ZBTB20: variants seen among roughly 807,000 people sequenced by gnomAD.
The protein encoded by ZBTB20 is zinc finger and BTB domain containing 20.
A neutral mutation model predicts 56.9 loss-of-function variants in ZBTB20; 9 were observed. The observed-to-expected ratio is 0.16, with a 90% confidence interval of 0.10 to 0.28. The LOEUF (loss-of-function observed/expected upper bound fraction) is 0.28, where lower values mean the gene tolerates loss of function less well. ZBTB20 is among the 10% of genes least tolerant of loss of function. The pLI is 1.00. For synonymous variants in ZBTB20, 417 were observed against 420.7 expected (o/e 0.99, Z 0.11); for missense variants, 655 against 1,003.0 (o/e 0.65, Z 4.69).
chr3:114,499,703 C>A (rs905701735), intron 7 of ZBTB20, among the ~76,000 whole-genome samples: 1 of 152,040 alleles, frequency 6.6e-6, no homozygotes, highest in African/African-American at 2.4e-5. Flanking sequence ...AAATAATGAA[C>A]GTTCTCTTTT....
intron 1 of ZBTB20, among the ~76,000 whole-genome samples, chr3:115,122,042 A>G (rs2084196774): frequency 6.6e-6 from 1 of 152,098 alleles, no homozygotes; most frequent in Non-Finnish European, 1.5e-5. Context: ...CTGAGCATTT[A>G]GAATCATACT....
intron 7 of ZBTB20, among the ~76,000 whole-genome samples, chr3:114,499,633 T>A (rs1349914930): frequency 6.6e-6 from 1 of 152,230 alleles, no homozygotes; most frequent in Non-Finnish European, 1.5e-5. Context: ...TAGAATCTTT[T>A]TCAAGCAGTT....
intron 3 of ZBTB20, among the ~76,000 whole-genome samples, chr3:114,967,968 A>G: frequency 6.6e-6 from 1 of 152,086 alleles, no homozygotes. Context: ...AAAAAAAAAA[A>G]AAGAGTTGAT....
At chr3:114,540,583 A>G (rs1349989772) in intron 6 of ZBTB20, among the ~76,000 whole-genome samples, 1 of 152,126 alleles carries the variant, frequency 6.6e-6, no homozygotes, top group African/African-American at 2.4e-5. Context: ...CAGTTGCTTA[A>G]AAGAACTATG....
chr3:114,947,118 G>A (rs2076913074), intron 3 of ZBTB20, among the ~76,000 whole-genome samples: 1 of 145,024 alleles, frequency 6.9e-6, no homozygotes, highest in Non-Finnish European at 1.5e-5. Flanking sequence ...GATCATCTCA[G>A]ACTACTCAGA....
Position 114,338,990 on chromosome 3 carries a change from A to T in ZBTB20, c.*15T>A. 8.1e-6 allele frequency: 12 copies of T among 1,489,216 alleles called. No homozygotes were observed. Among genetic ancestry groups the T allele is most frequent in the Non-Finnish European group, 1.1e-5 (12 of 1,116,626 alleles). The allele number at this position is 1,489,216 out of a possible 1,614,324, so 92.3% of individuals were successfully genotyped here. A position where few individuals can be genotyped will look rare whatever the true frequency, so the allele number is the denominator to read the frequency against. On this transcript the variant is annotated 3_prime_UTR_variant, in exon 12 of 12. Coordinates refer to ENST00000675478, the MANE Select transcript of ZBTB20 (RefSeq NM_001348800.3). ...TTGTTTTGTTTTGTTCATAAGAAAG[A>T]GAGAAAGATACTACTTATCCGTCAG...
chr3:114,954,239 T>C (rs1036761017), intron 3 of ZBTB20, among the ~76,000 whole-genome samples: 1 of 152,180 alleles, frequency 6.6e-6, no homozygotes, highest in Non-Finnish European at 1.5e-5. Context: ...CTTTAGAATC[T>C]TATATAAAAG....
chr3:114,329,857 A>T lies in ZBTB20; in HGVS notation c.*9148T>A, dbSNP rs192602479. On this transcript the variant is annotated 3_prime_UTR_variant, in exon 12 of 12. Coordinates refer to ENST00000675478, the MANE Select transcript of ZBTB20 (RefSeq NM_001348800.3). ...AGTGTAAAGATCCAGTATTAAAATG[A>T]ATGTTTGAGAATACAGTGGGGACAA... 6 of 152,288 alleles carry T rather than the reference A, an allele frequency of 3.9e-5. No individual in the cohort carries two copies. Among genetic ancestry groups the T allele is most frequent in the Admixed American group, 3.9e-4 (6 of 15,304 alleles). The allele number at this position is 152,288 out of a possible 1,614,324, so 9.4% of individuals were successfully genotyped here.
chr3:114,685,815 GTAA>G (rs755885959), intron 6 of ZBTB20, among the ~76,000 whole-genome samples: 2 of 151,852 alleles, frequency 1.3e-5, no homozygotes, highest in African/African-American at 4.8e-5. Context: ...AAAGAGAATA[GTAA>G]TAATAATAAA....
At chr3:114,707,690 A>G (rs1351298265) in intron 5 of ZBTB20, among the ~76,000 whole-genome samples, 1 of 152,054 alleles carries the variant, frequency 6.6e-6, no homozygotes, top group Non-Finnish European at 1.5e-5. Flanking sequence ...CCCACAATCC[A>G]TCTTCTATTT....
At position 115,062,349 on chromosome 3, in the gene ZBTB20, A is replaced by G. The variant is rs577413104; in HGVS notation, c.-507+8870T>C. Reference sequence around the variant, plus strand: ...TATAAGCTACAATCAATTATAAAATAAATCTTTGAGACAAATCATGTTCTT... The same window carrying G: ...TATAAGCTACAATCAATTATAAAATGAATCTTTGAGACAAATCATGTTCTT... On this transcript the variant is annotated intron_variant, in intron 2 of 11. Coordinates refer to ENST00000675478, the MANE Select transcript of ZBTB20 (RefSeq NM_001348800.3). Among the ~76,000 whole-genome samples the G allele has an allele frequency of 1.4e-4, 21 of 152,338 alleles. No individual in the cohort carries two copies. In the East Asian group the frequency reaches 3.7e-3, roughly 27 times the overall value.
At chr3:114,689,738 TG>T (rs1379228441) in intron 6 of ZBTB20, among the ~76,000 whole-genome samples, 4 of 152,188 alleles carry the variant, frequency 2.6e-5, no homozygotes, top group African/African-American at 9.6e-5. Flanking sequence ...GGTAAACTTA[TG>T]GATCTTTTTA....
intron 1 of ZBTB20, among the ~76,000 whole-genome samples, chr3:115,098,593 TA>T (rs1409833168): frequency 3.3e-5 from 5 of 152,150 alleles, no homozygotes; most frequent in African/African-American, 1.2e-4. Flanking sequence ...CTATCCAGTT[TA>T]AAAAAACTGT....
At chr3:114,479,539 T>G (rs949407965) in intron 7 of ZBTB20, among the ~76,000 whole-genome samples, 3 of 152,236 alleles carry the variant, frequency 2.0e-5, no homozygotes, top group African/African-American at 7.2e-5. Flanking sequence ...GGGCTCTAAA[T>G]GATTGAACAA....
intron 7 of ZBTB20, among the ~76,000 whole-genome samples, chr3:114,393,704 C>G (rs1342892473): frequency 1.3e-5 from 2 of 152,104 alleles, no homozygotes; most frequent in Admixed American, 1.3e-4. Context: ...GTTTTTAAGT[C>G]AAAAGATAAT....
At chr3:114,446,341 CTACTT>C (rs1678670158) in intron 7 of ZBTB20, among the ~76,000 whole-genome samples, 1 of 152,082 alleles carries the variant, frequency 6.6e-6, no homozygotes, top group Non-Finnish European at 1.5e-5. Flanking sequence ...TTGTTTTAAA[CTACTT>C]TAAACACAGC....
At chr3:114,395,804 C>T (rs186918853) in intron 7 of ZBTB20, among the ~76,000 whole-genome samples, 1 of 152,220 alleles carries the variant, frequency 6.6e-6, no homozygotes, top group East Asian at 1.9e-4. Context: ...CCTGCCAACA[C>T]AAGGTGGAAT....
intron 6 of ZBTB20, among the ~76,000 whole-genome samples, chr3:114,680,078 T>G (rs576815527): frequency 6.6e-6 from 1 of 152,188 alleles, no homozygotes; most frequent in East Asian, 1.9e-4. Context: ...ACATGGGAGC[T>G]GAACAATGAG....
At chr3:114,788,018 G>C (rs547526518) in intron 5 of ZBTB20, among the ~76,000 whole-genome samples, 1 of 152,088 alleles carries the variant, frequency 6.6e-6, no homozygotes, top group Non-Finnish European at 1.5e-5. Context: ...TTTGAATTTT[G>C]TAAGTATGAC....
Sources: allele counts gnomAD v4.1 joint callset (sites outside exome capture counted in the v4.1 genomes callset), GRCh38; gene constraint gnomAD v4.1.1; transcripts MANE v1.5; gene names NCBI Gene and HGNC (gene_info 2026-07-23, HGNC 2026-07-21).